SPMAP2L: variants seen among roughly 807,000 people sequenced by gnomAD.
The protein encoded by SPMAP2L is sperm microtubule associated protein 2 like, also known as sperm microtubule associated protein 2-like.
chr4:56,537,883 C>CG, the SPMAP2L span, among the ~76,000 whole-genome samples: 1 of 151,934 alleles, frequency 6.6e-6, no homozygotes, highest in Non-Finnish European at 1.5e-5. Context: ...TTAGTAGAGA[C>CG]GGGGTTTCAC....
At chr4:56,530,800 A>T in the SPMAP2L span, 1 of 1,535,146 alleles carries the variant, frequency 6.5e-7, no homozygotes, top group African/African-American at 1.4e-5. Context: ...GATTCTCGAC[A>T]CTCACAGAGA....
chr4:56,540,773 T>C, the SPMAP2L span, among the ~76,000 whole-genome samples: 1 of 152,190 alleles, frequency 6.6e-6, no homozygotes, highest in Non-Finnish European at 1.5e-5. Flanking sequence ...GCTGCTATTT[T>C]CTCTGGAAGA....
the SPMAP2L span, among the ~76,000 whole-genome samples, chr4:56,624,467 T>C: frequency 2.6e-5 from 4 of 152,186 alleles, no homozygotes; most frequent in African/African-American, 9.6e-5. Context: ...GGAAAATGTC[T>C]CCAGGCCATT....
At chr4:56,593,025 T>C in the SPMAP2L span, 1 of 1,597,602 alleles carries the variant, frequency 6.3e-7, no homozygotes, top group South Asian at 1.1e-5. Context: ...CTGCATGCCA[T>C]TTCAAGCAAA....
At chr4:56,594,950 C>G in the SPMAP2L span, 2 of 1,611,684 alleles carry the variant, frequency 1.2e-6, no homozygotes, top group Non-Finnish European at 1.7e-6. Context: ...AGGAGGTGGT[C>G]CTGGCATGGG....
chr4:56,556,928 C>T, the SPMAP2L span, among the ~76,000 whole-genome samples: 1 of 151,714 alleles, frequency 6.6e-6, no homozygotes, highest in Non-Finnish European at 1.5e-5. Context: ...GGAGCACGTG[C>T]TATTGTTTGA....
At chr4:56,532,372 T>A in the SPMAP2L span, among the ~76,000 whole-genome samples, 1 of 94,110 alleles carries the variant, frequency 1.1e-5, no homozygotes, top group Non-Finnish European at 2.1e-5. Context: ...AATTGTGCCT[T>A]TTTTTTTAAT....
chr4:56,594,574 G>T, the SPMAP2L span: 41 of 1,600,782 alleles, frequency 2.6e-5, no homozygotes, highest in Non-Finnish European at 4.3e-6. Flanking sequence ...AAGGAGAGGG[G>T]CACAGAACGG....
At chr4:56,623,149 A>G in the SPMAP2L span, among the ~76,000 whole-genome samples, 1 of 152,130 alleles carries the variant, frequency 6.6e-6, no homozygotes, top group African/African-American at 2.4e-5. Context: ...TTCTACTTAG[A>G]CATAGCCATT....
At chr4:56,612,701 G>A in the SPMAP2L span, among the ~76,000 whole-genome samples, 1 of 151,954 alleles carries the variant, frequency 6.6e-6, no homozygotes, top group Non-Finnish European at 1.5e-5. Flanking sequence ...CCAAGTAGCT[G>A]GGCTACAGGT....
the SPMAP2L span, among the ~76,000 whole-genome samples, chr4:56,609,244 T>C: frequency 3.3e-5 from 5 of 152,050 alleles, no homozygotes; most frequent in African/African-American, 4.8e-5. Context: ...GGTTTCACCA[T>C]GTTGGCCAGA....
chr4:56,620,911 C>T, the SPMAP2L span, among the ~76,000 whole-genome samples: 2 of 152,188 alleles, frequency 1.3e-5, 1 homozygote, highest in Non-Finnish European at 2.9e-5. Flanking sequence ...TCTTCATTCT[C>T]CATGTCAGGA....
At chr4:56,575,914 C>T in the SPMAP2L span, among the ~76,000 whole-genome samples, 1 of 152,056 alleles carries the variant, frequency 6.6e-6, no homozygotes, top group Non-Finnish European at 1.5e-5. Context: ...ACTAAAACAC[C>T]ACAGGTTTTT....
the SPMAP2L span, among the ~76,000 whole-genome samples, chr4:56,566,065 A>G: frequency 6.6e-6 from 1 of 152,222 alleles, no homozygotes; most frequent in Non-Finnish European, 1.5e-5. Flanking sequence ...AAATTGAGAT[A>G]CTTAGATCAT....
chr4:56,579,060 A>G, the SPMAP2L span, among the ~76,000 whole-genome samples: 1 of 152,094 alleles, frequency 6.6e-6, no homozygotes, highest in East Asian at 1.9e-4. Context: ...AATAACAAGC[A>G]GAAGATCAGT....
the SPMAP2L span, chr4:56,552,601 G>T: frequency 6.6e-7 from 1 of 1,520,492 alleles, no homozygotes; most frequent in Non-Finnish European, 8.8e-7. Flanking sequence ...AAAGCAATGG[G>T]GAACTCCAGA....
At chr4:56,583,928 A>T in the SPMAP2L span, among the ~76,000 whole-genome samples, 1 of 152,182 alleles carries the variant, frequency 6.6e-6, no homozygotes, top group African/African-American at 2.4e-5. Context: ...TCAGATACAC[A>T]AACACACATT....
chr4:56,571,455 G>A, the SPMAP2L span, among the ~76,000 whole-genome samples: 34 of 151,826 alleles, frequency 2.2e-4, no homozygotes, highest in Non-Finnish European at 4.1e-4. Flanking sequence ...TGGGACTACA[G>A]GTGTGCGCCA....
At chr4:56,596,481 T>G in the SPMAP2L span, 6 of 1,500,846 alleles carry the variant, frequency 4.0e-6, no homozygotes, top group Non-Finnish European at 5.3e-6. Context: ...ATAAGTACTG[T>G]TTTATTTTTC....
Sources: allele counts gnomAD v4.1 joint callset (sites outside exome capture counted in the v4.1 genomes callset), GRCh38; gene constraint gnomAD v4.1.1; transcripts MANE v1.5; gene names NCBI Gene and HGNC (gene_info 2026-07-23, HGNC 2026-07-21).